DNAH5: variants seen among roughly 807,000 people sequenced by gnomAD.
DNAH5 encodes dynein axonemal heavy chain 5.
In DNAH5, 372 loss-of-function variants were observed where a neutral mutation model predicts 518.2. That is an observed-to-expected ratio of 0.72 (90% confidence interval 0.66 to 0.78). The LOEUF (loss-of-function observed/expected upper bound fraction) is 0.78. DNAH5 is among the 30% of genes least tolerant of loss of function. DNAH5 has a pLI of 0.00. For missense variants in DNAH5, 5,523 were observed against 5,687.0 expected, an observed-to-expected ratio of 0.97 and a Z score of 0.93; for synonymous variants, 2,039 against 2,025.9, an observed-to-expected ratio of 1.01 and a Z score of -0.17.
chr5:13,739,856 C>G (rs929899660), intron 65 of DNAH5, among the ~76,000 whole-genome samples: 2 of 152,122 alleles, frequency 1.3e-5, no homozygotes, highest in Non-Finnish European at 2.9e-5. Context: ...CCATACTACT[C>G]CATGAATTAC....
intron 42 of DNAH5, 111 bp downstream of exon 42, chr5:13,817,437 C>T (rs1322855632): frequency 1.8e-6 from 2 of 1,116,966 alleles, no homozygotes; most frequent in African/African-American, 3.1e-5. Flanking sequence ...ACTTCTTAGT[C>T]TTGGCTAAGA....
chr5:13,901,245 G>A lies in DNAH5; in HGVS notation c.2052+7C>T, dbSNP rs748368893. ...ACAATGGGAAGAGTATAAATTTAGG[G>A]ACTCACTTGCCGAAGCCACGCCCTG... On this transcript the variant is annotated splice_region_variant and intron_variant, in intron 14 of 78. Coordinates refer to ENST00000265104, the MANE Select transcript of DNAH5 (RefSeq NM_001369.3). The A allele has an allele frequency of 3.1e-6, 5 of 1,612,392 alleles. No individual in the cohort carries two copies. The Admixed American group carries it at 5.0e-5, about 16-fold the overall frequency.
chr5:13,725,758 G>A (rs896836580), intron 70 of DNAH5, among the ~76,000 whole-genome samples: 6 of 152,088 alleles, frequency 3.9e-5, no homozygotes, highest in African/African-American at 7.2e-5. Context: ...AAGTTCAAGC[G>A]ATTCTCCTGC....
At chr5:13,696,705 C>T (rs555404662) in intron 78 of DNAH5, among the ~76,000 whole-genome samples, 1 of 152,152 alleles carries the variant, frequency 6.6e-6, no homozygotes, top group African/African-American at 2.4e-5. Flanking sequence ...TTAAATATAT[C>T]GCATGAAAGG....
In DNAH5 at chr5:13,713,476, G is replaced by A. The variant is rs1395583563; in HGVS notation, c.13125+929C>T. Among the ~76,000 whole-genome samples the A allele has an allele frequency of 6.6e-4, 44 of 66,252 alleles. 1 individual carries two copies. Among genetic ancestry groups the A allele is most frequent in the East Asian group, 3.7e-4 (1 of 2,714 alleles). 43.5% of individuals were successfully genotyped at this position (66,252 alleles called of 152,430 possible). On this transcript the variant is annotated intron_variant, in intron 75 of 78. Coordinates refer to ENST00000265104, the MANE Select transcript of DNAH5 (RefSeq NM_001369.3). ...ATATATATATATATATACACACACCGATATATATATATATATGATGGAATA... is the reference window on the plus strand; with the variant it reads ...ATATATATATATATATACACACACCAATATATATATATATATGATGGAATA...
chr5:13,866,383 A>G (rs527942892), intron 25 of DNAH5, 101 bp from the exon 26 acceptor site: 92 of 916,030 alleles, frequency 1.0e-4, no homozygotes, highest in Non-Finnish European at 1.4e-4. Context: ...TTCATGCATG[A>G]TAGGAAACTT....
chr5:13,953,800 C>G (rs1336940433), intron 1 of DNAH5, among the ~76,000 whole-genome samples: 2 of 152,082 alleles, frequency 1.3e-5, no homozygotes, highest in Non-Finnish European at 2.9e-5. Flanking sequence ...CTCTGCCTCC[C>G]AGGTTCAAGT....
chr5:13,752,608 G>A (rs528709642), intron 63 of DNAH5, among the ~76,000 whole-genome samples: 3 of 152,176 alleles, frequency 2.0e-5, no homozygotes, highest in Non-Finnish European at 2.9e-5. Flanking sequence ...TGAATTTCGT[G>A]TTCTGACTTG....
chr5:13,961,832 GAAGC>G (rs1035434897), intron 1 of DNAH5, among the ~76,000 whole-genome samples: 5 of 152,016 alleles, frequency 3.3e-5, no homozygotes, highest in African/African-American at 7.2e-5. Flanking sequence ...CCTCCTTCGA[GAAGC>G]CTGCCTTGAT....
At chr5:13,804,022 T>G (rs1759174529) in intron 47 of DNAH5, among the ~76,000 whole-genome samples, 1 of 152,016 alleles carries the variant, frequency 6.6e-6, no homozygotes, top group Non-Finnish European at 1.5e-5. Flanking sequence ...TATCTTAATT[T>G]TTGCTTTCTT....
chr5:13,914,024 T>C (rs1316970062), intron 10 of DNAH5, 66 bp from the exon 11 acceptor site: 5 of 1,558,752 alleles, frequency 3.2e-6, no homozygotes, highest in East Asian at 2.3e-5. Flanking sequence ...TTTTCTTAAG[T>C]GAAGGCGACA....
intron 6 of DNAH5, 85 bp downstream of exon 6, chr5:13,920,395 G>T (rs866921511): frequency 2.6e-6 from 4 of 1,562,578 alleles, no homozygotes; most frequent in Non-Finnish European, 3.5e-6. Context: ...TTAACAAATG[G>T]AATGTCGTAT....
At chr5:13,980,818 C>T (rs1390252285) in intron 1 of DNAH5, among the ~76,000 whole-genome samples, 1 of 152,198 alleles carries the variant, frequency 6.6e-6, no homozygotes, top group East Asian at 1.9e-4. Flanking sequence ...ACCACTTTTC[C>T]TCTTTGCTCA....
At chr5:13,979,058 C>T (rs562449876) in intron 1 of DNAH5, among the ~76,000 whole-genome samples, 1 of 152,238 alleles carries the variant, frequency 6.6e-6, no homozygotes, top group South Asian at 2.1e-4. Flanking sequence ...TTTACACAGA[C>T]ACCCTAGTTC....
chr5:13,720,232 T>G (rs1470969198), intron 71 of DNAH5, among the ~76,000 whole-genome samples: 1 of 152,162 alleles, frequency 6.6e-6, no homozygotes. Context: ...TACTGCTGAA[T>G]AAGTTATCTA....
intron 1 of DNAH5, among the ~76,000 whole-genome samples, chr5:13,964,248 C>T (rs757732986): frequency 1.2e-4 from 19 of 152,110 alleles, no homozygotes; most frequent in Non-Finnish European, 2.2e-4. Context: ...TCACCTAGAA[C>T]ATTGCAAGGA....
Position 13,850,708 on chromosome 5 carries a change from C to T in DNAH5, c.5058G>A (p.Gly1686=). Residue 1686 remains glycine, a synonymous_variant, in exon 31 of 79, where the codon GGG becomes GGA. Transcript: ENST00000265104. ...VQCCVGDETL[G]QLLPHLLDQL... ...GGTCCAGCAAGTGTGGTAACAGCTGCCCCAGGGTCTCATCTCCAACACAGC... is the reference window on the plus strand; with the variant it reads ...GGTCCAGCAAGTGTGGTAACAGCTGTCCCAGGGTCTCATCTCCAACACAGC... The T allele has an allele frequency of 1.2e-6, 2 of 1,613,952 alleles. No individual in the cohort carries two copies. The highest frequency in any genetic ancestry group is 1.7e-6 in the Non-Finnish European group (2 of 1,179,840).
chr5:13,875,806 AAGTCCAT>A (rs199893450), intron 22 of DNAH5, among the ~76,000 whole-genome samples: 2,102 of 152,318 alleles, frequency 0.014, 46 homozygotes, highest in African/African-American at 0.046. Context: ...GGAAAATTAA[AAGTCCAT>A]AAATGCAAAA....
chr5:13,697,491 A>G (rs1741538047), intron 78 of DNAH5, among the ~76,000 whole-genome samples: 1 of 152,220 alleles, frequency 6.6e-6, no homozygotes, highest in South Asian at 2.1e-4. Context: ...ATTCCCTTCA[A>G]CAAATCACAG....
Sources: gnomAD v4.1 joint callset for allele counts (sites outside exome capture counted in the v4.1 genomes callset) on GRCh38, gnomAD v4.1.1 for gene constraint, MANE v1.5 for transcripts, NCBI Gene and HGNC (gene_info 2026-07-23, HGNC 2026-07-21) for gene names.